The following ZNF814 variants were observed in gnomAD, a reference collection of about 807,000 sequenced individuals.
ZNF814 encodes zinc finger protein 814.
In ZNF814, 5 loss-of-function variants were observed where a neutral mutation model predicts 7.5. The observed-to-expected ratio is 0.67, with a 90% CI of 0.35 to 1.40. The LOEUF (loss-of-function observed/expected upper bound fraction) is 1.40. Ranked by LOEUF, ZNF814 falls within the 40% of genes most tolerant of loss-of-function variation. The pLI is 0.04. For missense variants in ZNF814, 962 were observed against 1,018.0 expected (o/e 0.94, Z 0.75); for synonymous variants, 315 against 340.7 (o/e 0.92, Z 0.83).
Position 57,877,022 on chromosome 19 carries a change from A to C in ZNF814, c.57T>G (p.Asp19Glu). 6.2e-7 allele frequency: 1 copy of C among 1,614,126 alleles called. No individual in the cohort carries two copies. The highest frequency in any genetic ancestry group is 1.1e-5 in the South Asian group (1 of 91,088). Residue 19 changes from aspartate to glutamate, a missense_variant, in exon 2 of 3, where the codon GAT becomes GAG. By Grantham distance (45) the Asp-to-Glu change is conservative. Around this residue, in one of 7 missense-constraint regions of ZNF814, gnomAD observed 63 missense variants for 65.0 expected, o/e 0.97. Coordinates refer to ENST00000435989, the MANE Select transcript of ZNF814 (RefSeq NM_001144989.2). ...CCTCCCAGGTAAAGTTCACAGCCAC[A>C]TCTTCAAAAGTCACTGTGCCCTGTT... is the stretch of plus-strand genomic sequence containing the variant. ...LSAQGTVTFE[D>E]VAVNFTWEEW...
Position 57,888,838 on chromosome 19 carries a change from G to A in ZNF814, c.-36C>T, listed in dbSNP as rs547364165. On this transcript the variant is annotated 5_prime_UTR_variant, in exon 1 of 3. Coordinates refer to ENST00000435989, the MANE Select transcript of ZNF814 (RefSeq NM_001144989.2). ...GGTTTTAAGCAGAGTCGGGAGGATA[G>A]GGCGACCAGCCAGGAGATATGGGCA... 2.6e-6 allele frequency: 4 copies of A among 1,551,368 alleles called. No homozygotes were observed. Among genetic ancestry groups the A allele is most frequent in the Middle Eastern group, 1.7e-4 (1 of 5,990 alleles).
chr19:57,876,698 T>A, intron 2 of ZNF814: 1 of 651,706 alleles, frequency 1.5e-6, no homozygotes. Flanking sequence ...TGACTGGGAA[T>A]CCCTCCCTGG....
rs1328729860 is a variant in ZNF814 at position 57,871,149 on chromosome 19, T to C, written c.*1673A>G. The stretch of plus-strand genomic sequence containing the variant: ...CTGGATATCAGGGCATGTGTCTGCA[T>C]TGCAAGAGCTGGGCAACAGACTTCC... On this transcript the variant is annotated 3_prime_UTR_variant, in exon 3 of 3. Coordinates refer to ENST00000435989, the MANE Select transcript of ZNF814 (RefSeq NM_001144989.2). 6.6e-6 allele frequency: 1 copy of C among 152,184 alleles called. No individual in the cohort carries two copies. The highest frequency in any genetic ancestry group is 2.4e-5 in the African/African-American group (1 of 41,434). 9.4% of individuals were successfully genotyped at this position (152,184 alleles called of 1,614,324 possible).
upstream of ZNF814, among the ~76,000 whole-genome samples, chr19:57,893,140 A>C (rs2071741456): frequency 6.6e-6 from 1 of 152,102 alleles, no homozygotes; most frequent in Non-Finnish European, 1.5e-5. Context: ...GAATGCCAGC[A>C]AAAGGGTAAG....
intron 2 of ZNF814, among the ~76,000 whole-genome samples, chr19:57,875,435 A>C (rs2071598343): frequency 6.6e-6 from 1 of 152,182 alleles, no homozygotes; most frequent in Non-Finnish European, 1.5e-5. Flanking sequence ...TAAAGGACAC[A>C]ACCATGTATG....
At chr19:57,900,839 A>ATTTTTTATTTTTTTTTT in the ZNF814 span, among the ~76,000 whole-genome samples, 1 of 45,782 alleles carries the variant, frequency 2.2e-5, no homozygotes, top group Non-Finnish European at 3.8e-5. Context: ...CCATGGCTGC[A>ATTTTTTATTTTTTTTTT]TTTTTTTTTT....
intron 1 of ZNF814, among the ~76,000 whole-genome samples, chr19:57,887,132 G>A (rs529336991): frequency 6.6e-6 from 1 of 152,062 alleles, no homozygotes; most frequent in South Asian, 2.1e-4. Context: ...AGATTGCAGT[G>A]AGCCGAGATC....
At chr19:57,904,736 T>G in the ZNF814 span, among the ~76,000 whole-genome samples, 1 of 152,180 alleles carries the variant, frequency 6.6e-6, no homozygotes, top group Admixed American at 6.6e-5. Flanking sequence ...AGGTGCTGTT[T>G]GTAGACTTAA....
In ZNF814 at chr19:57,875,222, A is replaced by G. The variant is rs760458093; in HGVS notation, c.168T>C (p.Cys56=). The stretch of plus-strand genomic sequence containing the variant: ...CCGCCTCATCTTCCACTCCACACCA[A>G]CAACCTGAAAGCAAGAAAATGCTGG... ...ENLALISSLG[C]WCGVEDEAAP... Residue 56 remains cysteine (C), a synonymous_variant, in exon 3 of 3, where the codon TGT becomes TGC. Transcript: ENST00000435989. 94 of 1,519,492 alleles carry G rather than the reference A, an allele frequency of 6.2e-5. No homozygotes were observed. The highest frequency in any genetic ancestry group is 7.8e-5 in the Non-Finnish European group (89 of 1,134,826). 94.1% of individuals were successfully genotyped at this position (1,519,492 alleles called of 1,614,324 possible).
the ZNF814 span, among the ~76,000 whole-genome samples, chr19:57,895,241 G>C: frequency 6.6e-5 from 10 of 151,672 alleles, no homozygotes; most frequent in Non-Finnish European, 1.5e-4. Flanking sequence ...CAAACCCAGG[G>C]TCAGTCAAGC....
At chr19:57,893,684 C>A (rs913023627), upstream of ZNF814, among the ~76,000 whole-genome samples, 1 of 150,592 alleles carries the variant, frequency 6.6e-6, no homozygotes, top group Non-Finnish European at 1.5e-5. Flanking sequence ...TTTGGGAGGC[C>A]GAGGTGGGCA....
Position 57,874,027 on chromosome 19 carries a change from G to C in ZNF814, c.1363C>G (p.Gln455Glu). 1 of 1,612,972 alleles carries C rather than the reference G, an allele frequency of 6.2e-7. No homozygotes were observed. Among genetic ancestry groups the C allele is most frequent in the Non-Finnish European group, 8.5e-7 (1 of 1,179,540 alleles). Residue 455 changes from glutamine (Q) to glutamate (E), a missense_variant, in exon 3 of 3, where the codon CAA (glutamine) becomes GAA (glutamate). By Grantham distance (29) the Gln-to-Glu change is conservative. Around this residue, in one of 7 missense-constraint regions of ZNF814, gnomAD observed 665 missense variants for 551.4 expected, o/e 1.21. Coordinates refer to ENST00000435989, the MANE Select transcript of ZNF814 (RefSeq NM_001144989.2). Reference protein sequence around the residue: ...FSSEGHLRSHQRVHAGERPFK... With the variant: ...FSSEGHLRSHERVHAGERPFK... ...GGTCTTTCTCCGGCGTGAACTCGTT[G>C]ATGGCTCCTAAGATGTCCTTCTGAA...
upstream of ZNF814, among the ~76,000 whole-genome samples, chr19:57,890,353 G>A (rs1409551442): frequency 1.3e-5 from 2 of 151,492 alleles, no homozygotes; most frequent in Non-Finnish European, 2.9e-5. Context: ...TGTTGTTGTT[G>A]TTTATTTGTT....
intron 1 of ZNF814, among the ~76,000 whole-genome samples, chr19:57,883,064 A>C (rs1177955210): frequency 6.6e-6 from 1 of 152,122 alleles, no homozygotes; most frequent in Non-Finnish European, 1.5e-5. Flanking sequence ...AATTAAAATA[A>C]TTAAACAGAA....
chr19:57,869,464 T>A lies in ZNF814; in HGVS notation c.*3358A>T, dbSNP rs768521547. The A allele has an allele frequency of 1.1e-4, 16 of 152,130 alleles. No individual in the cohort carries two copies. Among genetic ancestry groups the A allele is most frequent in the African/African-American group, 3.6e-4 (15 of 41,510 alleles). The allele number at this position is 152,130 out of a possible 1,614,324, so 9.4% of individuals were successfully genotyped here. On this transcript the variant is annotated 3_prime_UTR_variant, in exon 3 of 3. Coordinates refer to ENST00000435989, the MANE Select transcript of ZNF814 (RefSeq NM_001144989.2). ...CTCTACTGTACAGCAAAGTAAATCATTGGTTGTCTGGAGAACAGAAAGAAA... is the reference window on the plus strand; with the variant it reads ...CTCTACTGTACAGCAAAGTAAATCAATGGTTGTCTGGAGAACAGAAAGAAA...
chr19:57,894,518 C>T, the ZNF814 span, among the ~76,000 whole-genome samples: 2 of 151,970 alleles, frequency 1.3e-5, no homozygotes, highest in African/African-American at 2.4e-5. Context: ...TTGATCACAC[C>T]TAGTTGGCAT....
chr19:57,889,641 G>A (rs2071722635), upstream of ZNF814, among the ~76,000 whole-genome samples: 3 of 152,090 alleles, frequency 2.0e-5, no homozygotes, highest in South Asian at 6.2e-4. Context: ...GAGGCAGGTG[G>A]AACACCTGAG....
At chr19:57,879,317 T>C (rs1209229244) in intron 1 of ZNF814, among the ~76,000 whole-genome samples, 1 of 150,534 alleles carries the variant, frequency 6.6e-6, no homozygotes, top group Non-Finnish European at 1.5e-5. Context: ...TTTCCCTCAA[T>C]TACTTCTGTA....
At chr19:57,878,550 C>A (rs1337489222) in intron 1 of ZNF814, among the ~76,000 whole-genome samples, 3 of 151,268 alleles carry the variant, frequency 2.0e-5, no homozygotes, top group Non-Finnish European at 4.4e-5. Flanking sequence ...ACCTCCGCCT[C>A]CTGGGTTCAA....
Sources: gnomAD v4.1 joint callset for allele counts (sites outside exome capture counted in the v4.1 genomes callset) on GRCh38, gnomAD v4.1.1 for gene constraint, gnomAD v4.1.1 regional missense constraint, MANE v1.5 for transcripts, NCBI Gene and HGNC (gene_info 2026-07-23, HGNC 2026-07-21) for gene names.